The following SMARCA5 variants were observed in gnomAD, a reference collection of about 807,000 sequenced individuals.
The protein encoded by SMARCA5 is SWI/SNF-related matrix-associated actin-dependent regulator of chromatin subfamily A member 5.
A neutral mutation model predicts 140.4 loss-of-function variants in SMARCA5; 18 were observed. That is an observed-to-expected ratio of 0.13 (90% CI 0.09 to 0.19). The LOEUF (loss-of-function observed/expected upper bound fraction) is 0.19. Ranked by LOEUF, SMARCA5 falls within the 10% of genes least tolerant of loss-of-function variation. The pLI, the probability that SMARCA5 is intolerant of heterozygous loss-of-function variation, is 1.00. For missense variants in SMARCA5, 606 were observed against 1,276.8 expected (o/e 0.47, Z 8.01); for synonymous variants, 449 against 419.6 (o/e 1.07, Z -0.86).
intron 20 of SMARCA5, 84 bp downstream of exon 20, chr4:143,546,992 A>G (rs1397519373): frequency 7.4e-7 from 1 of 1,343,912 alleles, no homozygotes; most frequent in East Asian, 2.3e-5. Context: ...TGTTGTGATT[A>G]GCTAATTTTG....
At position 143,553,477 on chromosome 4, in the gene SMARCA5, G is replaced by A. The variant is rs1007898944; in HGVS notation, c.*293G>A. 2.0e-5 allele frequency: 5 copies of A among 248,382 alleles called. No individual in the cohort carries two copies. The highest frequency in any genetic ancestry group is 1.1e-4 in the African/African-American group (5 of 44,610). The allele number at this position is 248,382 out of a possible 1,614,324, so 15.4% of individuals were successfully genotyped here. On this transcript the variant is annotated 3_prime_UTR_variant, in exon 24 of 24. Transcript: ENST00000283131. The stretch of plus-strand genomic sequence containing the variant: ...CCATTTGTGAAGATTGTGACTTTTT[G>A]TTTATTAGCTATAATTTCTACACTT...
chr4:143,521,980 A>G (rs772351660), intron 3 of SMARCA5, among the ~76,000 whole-genome samples: 22 of 151,950 alleles, frequency 1.4e-4, no homozygotes, highest in Non-Finnish European at 2.9e-4. Context: ...TGTAACAATC[A>G]TGTTGAGTAT....
At chr4:143,521,826 G>T (rs1736965140) in intron 3 of SMARCA5, among the ~76,000 whole-genome samples, 1 of 148,796 alleles carries the variant, frequency 6.7e-6, no homozygotes, top group African/African-American at 2.5e-5. Context: ...GGACGCCAAG[G>T]TGGGAGGATT....
chr4:143,517,654 G>T (rs1485879710), intron 2 of SMARCA5, among the ~76,000 whole-genome samples: 2 of 152,092 alleles, frequency 1.3e-5, no homozygotes, highest in Non-Finnish European at 2.9e-5. Flanking sequence ...ATGGAGGAAG[G>T]CCAAGAGAAG....
intron 7 of SMARCA5, 145 bp from the exon 8 acceptor site, chr4:143,528,438 C>T (rs953582592): frequency 3.1e-5 from 19 of 610,656 alleles, no homozygotes; most frequent in East Asian, 1.5e-4. Context: ...TTTATGGCTG[C>T]GTACTATTCG....
rs1395840009 is a variant in SMARCA5, at chr4:143,529,095, C to T, written c.1089+381C>T. ...GATCACAGGTGTGTGCCACCATGCC[C>T]GGCTAGTTTCTGTGTTTTTTGTAGA... On this transcript the variant is annotated intron_variant, in intron 8 of 23. Coordinates refer to ENST00000283131, the MANE Select transcript of SMARCA5 (RefSeq NM_003601.4). Among the ~76,000 whole-genome samples the T allele has an allele frequency of 4.6e-5, 7 of 152,164 alleles. No individual in the cohort carries two copies. The East Asian group carries it at 5.8e-4, about 13-fold the overall frequency.
Position 143,557,425 on chromosome 4 carries a change from T to C in SMARCA5, c.*4241T>C, listed in dbSNP as rs1240133431. ...TTTATGTATATAGATTGTGAATAAA[T>C]TGGGAAAAGAAATAGAGATAAGTAG... On this transcript the variant is annotated 3_prime_UTR_variant, in exon 24 of 24. Coordinates refer to ENST00000283131, the MANE Select transcript of SMARCA5 (RefSeq NM_003601.4). 6.6e-6 allele frequency: 1 copy of C among 152,202 alleles called. No individual in the cohort carries two copies. The highest frequency in any genetic ancestry group is 1.5e-5 in the Non-Finnish European group (1 of 68,030). 9.4% of individuals were successfully genotyped at this position (152,202 alleles called of 1,614,324 possible).
chr4:143,535,363 A>G (rs1463535266), intron 10 of SMARCA5, among the ~76,000 whole-genome samples: 1 of 152,304 alleles, frequency 6.6e-6, no homozygotes, highest in South Asian at 2.1e-4. Flanking sequence ...CTTAATGTAA[A>G]TGTAGTGTTC....
intron 4 of SMARCA5, among the ~76,000 whole-genome samples, chr4:143,525,183 C>T (rs565479172): frequency 6.6e-6 from 1 of 152,018 alleles, no homozygotes; most frequent in South Asian, 2.1e-4. Context: ...TCTCTCAGAC[C>T]AGTATATGGG....
At chr4:143,524,277 C>T (rs1477833254) in intron 3 of SMARCA5, 90 bp from the exon 4 acceptor site, 26 of 786,370 alleles carry the variant, frequency 3.3e-5, no homozygotes, top group Non-Finnish European at 5.2e-5. Context: ...TTTGTGGAAT[C>T]TTGGTCAGCC....
In SMARCA5 at chr4:143,546,896, A is replaced by G. The variant is rs199752848; in HGVS notation, c.2641A>G (p.Ile881Val). ...EVEGKTPEEV[I>V]EYSAVFWERC... is the part of the protein sequence containing the mutation. ...AGAAGGCAAAACTCCAGAAGAAGTCATTGAATATTCAGGTAATTCTTTTAA... is the reference window on the plus strand; with the variant it reads ...AGAAGGCAAAACTCCAGAAGAAGTCGTTGAATATTCAGGTAATTCTTTTAA... The change falls in exon 20 of 24, where the codon ATT (isoleucine) becomes GTT (valine). Residue 881 changes from isoleucine to valine, a missense_variant. By Grantham distance (29) the Ile-to-Val change is conservative. Coordinates refer to ENST00000283131, the MANE Select transcript of SMARCA5 (RefSeq NM_003601.4). 15 of 1,612,646 alleles carry G rather than the reference A, an allele frequency of 9.3e-6. No homozygotes were observed. Among genetic ancestry groups the G allele is most frequent in the Non-Finnish European group, 1.2e-5 (14 of 1,179,120 alleles).
intron 23 of SMARCA5, among the ~76,000 whole-genome samples, chr4:143,551,061 G>T (rs2149825888): frequency 6.6e-6 from 1 of 152,012 alleles, no homozygotes; most frequent in Non-Finnish European, 1.5e-5. Flanking sequence ...CCACATTCTT[G>T]TCAGGATTTG....
chr4:143,530,502 A>G lies in SMARCA5; in HGVS notation c.1134A>G (p.Gln378=), dbSNP rs1198689113. The part of the protein sequence containing the change: ...WFDTNNCLGD[Q]KLVERLHMVL... ...ATACAAACAACTGCCTTGGGGATCA[A>G]AAACTAGTTGAGAGGCTTCATATGG... The change falls in exon 9 of 24, where the codon CAA becomes CAG. Residue 378 remains glutamine, a synonymous_variant. Transcript: ENST00000283131. 9 of 1,612,234 alleles carry G rather than the reference A, an allele frequency of 5.6e-6. No individual in the cohort carries two copies. The South Asian group carries it at 7.7e-5, about 14-fold the overall frequency.
rs1048437430 is a variant in SMARCA5, at chr4:143,540,228, C to T, written c.1771-135C>T. On this transcript the variant is annotated intron_variant, in intron 13 of 23. Coordinates refer to ENST00000283131, the MANE Select transcript of SMARCA5 (RefSeq NM_003601.4). ...CTAGCAGAATTCATCTGATTCCTTACAGATGCAGTGTTATTACAAATTTTT... is the reference window on the plus strand; with the variant it reads ...CTAGCAGAATTCATCTGATTCCTTATAGATGCAGTGTTATTACAAATTTTT... 8 of 569,130 alleles carry T rather than the reference C, an allele frequency of 1.4e-5. No homozygotes were observed. The East Asian group carries it at 2.5e-4, about 18-fold the overall frequency. The allele number at this position is 569,130 out of a possible 1,614,324, so 35.3% of individuals were successfully genotyped here. A position where few individuals can be genotyped will look rare whatever the true frequency, so the allele number is the denominator to read the frequency against.
At chr4:143,534,127 A>G (rs142835951) in intron 9 of SMARCA5, among the ~76,000 whole-genome samples, 1 of 152,258 alleles carries the variant, frequency 6.6e-6, no homozygotes, top group East Asian at 1.9e-4. Flanking sequence ...TAAAGCAATA[A>G]TGTACTTTTA....
intron 16 of SMARCA5, 133 bp downstream of exon 16, chr4:143,544,105 TTCA>T (rs1737479284): frequency 3.9e-6 from 2 of 511,480 alleles, no homozygotes. Flanking sequence ...TCTGAATATT[TTCA>T]TCATTATGTA....
At position 143,555,321 on chromosome 4, in the gene SMARCA5, A is replaced by C. The variant is rs1737725049; in HGVS notation, c.*2137A>C. On this transcript the variant is annotated 3_prime_UTR_variant, in exon 24 of 24. Transcript: ENST00000283131. ...CTTTTACCACCTCCAAAATTGCTTCAATCATTACCAAATCTATTATAGCAA... is the reference window on the plus strand; with the variant it reads ...CTTTTACCACCTCCAAAATTGCTTCCATCATTACCAAATCTATTATAGCAA... 2.7e-6 allele frequency: 2 copies of C among 741,668 alleles called. No individual in the cohort carries two copies. The highest frequency in any genetic ancestry group is 4.9e-6 in the Non-Finnish European group (2 of 406,232). The allele number at this position is 741,668 out of a possible 1,614,324, so 45.9% of individuals were successfully genotyped here.
chr4:143,556,414 T>C lies in SMARCA5; in HGVS notation c.*3230T>C, dbSNP rs1737757332. 1 of 152,170 alleles carries C rather than the reference T, an allele frequency of 6.6e-6. No homozygotes were observed. The highest frequency in any genetic ancestry group is 2.1e-4 in the South Asian group (1 of 4,826). 9.4% of individuals were successfully genotyped at this position (152,170 alleles called of 1,614,324 possible). The stretch of plus-strand genomic sequence containing the variant: ...TCATCTTGTTCTATCCCTTTGAATC[T>C]AAAAAACAAATCTTTTTGAAAGGAT... On this transcript the variant is annotated 3_prime_UTR_variant, in exon 24 of 24. Coordinates refer to ENST00000283131, the MANE Select transcript of SMARCA5 (RefSeq NM_003601.4).
rs1326370694 is a variant in SMARCA5, at chr4:143,525,575, A to T, written c.621+24A>T. ...TGGTATGTGTTGGTAGTTTTTTTTG[A>T]AGGGTATGTTTTGTATTGAAAATAT... On this transcript the variant is annotated intron_variant, in intron 5 of 23. Coordinates refer to ENST00000283131, the MANE Select transcript of SMARCA5 (RefSeq NM_003601.4). 2.8e-6 allele frequency: 4 copies of T among 1,449,692 alleles called. No homozygotes were observed. In the African/African-American group the frequency reaches 5.6e-5, roughly 20 times the overall value. The allele number at this position is 1,449,692 out of a possible 1,614,324, so 89.8% of individuals were successfully genotyped here.
Sources: allele counts gnomAD v4.1 joint callset (sites outside exome capture counted in the v4.1 genomes callset), GRCh38; gene constraint gnomAD v4.1.1; transcripts MANE v1.5; gene names NCBI Gene and HGNC (gene_info 2026-07-23, HGNC 2026-07-21).